The following RPE65 variants were observed in gnomAD, a reference collection of about 807,000 sequenced individuals.
RPE65 encodes the protein retinoid isomerohydrolase RPE65, also known as retinoid isomerohydrolase.
RPE65 carries 58 observed loss-of-function variants against 68.5 expected under a neutral mutation model. The observed-to-expected ratio is 0.85, with a 90% confidence interval of 0.69 to 1.05. The LOEUF (loss-of-function observed/expected upper bound fraction) is 1.05, where lower values mean the gene tolerates loss of function less well. RPE65 is among the 50% of genes least tolerant of loss of function. The pLI is 0.00. For missense variants in RPE65, 643 were observed against 629.9 expected (o/e 1.02, Z -0.22); for synonymous variants, 220 against 222.2 (o/e 0.99, Z 0.09).
chr1:68,437,405 A>G (rs1645869309), intron 10 of RPE65, among the ~76,000 whole-genome samples: 1 of 152,174 alleles, frequency 6.6e-6, no homozygotes, highest in Non-Finnish European at 1.5e-5. Flanking sequence ...CATAGAGCTT[A>G]CAAACTTGCT....
rs1019929124 is a variant in RPE65 at position 68,446,900 on chromosome 1, G to T, written c.95-40C>A. 3.1e-6 allele frequency: 5 copies of T among 1,612,194 alleles called. No homozygotes were observed. In the African/African-American group the frequency reaches 6.7e-5, roughly 22 times the overall value. ...AGACAGAACATTGCTTCTTATCCCTGCCTTGGGCTAGGCTTGTCCTTGGTA... is the reference window on the plus strand; with the variant it reads ...AGACAGAACATTGCTTCTTATCCCTTCCTTGGGCTAGGCTTGTCCTTGGTA... On this transcript the variant is annotated intron_variant, in intron 2 of 13. Transcript: ENST00000262340.
At position 68,431,346 on chromosome 1, in the gene RPE65, T is replaced by C. The variant is rs752528881; in HGVS notation, c.1274A>G (p.Lys425Arg). The change falls in exon 12 of 14, where the codon AAG becomes AGG. Residue 425 changes from lysine (K) to arginine (R), a missense_variant. Transcript: ENST00000262340. Reference sequence around the variant, plus strand: ...ATATGTGTAAGGTTTCCCACAATACTTCTGGTAATTGATTTGAGGAAACTC... The same window carrying C: ...ATATGTGTAAGGTTTCCCACAATACCTCTGGTAATTGATTTGAGGAAACTC... ...AFEFPQINYQ[K>R]YCGKPYTYAY... 4 of 1,614,006 alleles carry C rather than the reference T, an allele frequency of 2.5e-6. No homozygotes were observed. The highest frequency in any genetic ancestry group is 3.4e-6 in the Non-Finnish European group (4 of 1,179,942).
At chr1:68,433,215 G>A (rs182516882) in intron 10 of RPE65, among the ~76,000 whole-genome samples, 1 of 152,316 alleles carries the variant, frequency 6.6e-6, no homozygotes, top group African/African-American at 2.4e-5. Context: ...CAACGAGTGA[G>A]TGTATAAATG....
chr1:68,440,901 T>C lies in RPE65; in HGVS notation c.595A>G (p.Asn199Asp), dbSNP rs772821305. 3.7e-6 allele frequency: 6 copies of C among 1,613,880 alleles called. No individual in the cohort carries two copies. The highest frequency in any genetic ancestry group is 1.7e-5 in the Admixed American group (1 of 59,974). Residue 199 changes from asparagine to aspartate, a missense_variant, in exon 6 of 14, where the codon AAT becomes GAT. Asn to Asp is a conservative substitution (Grantham distance 23). Coordinates refer to ENST00000262340, the MANE Select transcript of RPE65 (RefSeq NM_000329.3). ...ACAATGTTGTAGGCAATTGAAAAAT[T>C]TTTTCCAAAGCAATTACCAATATTG... ...VYNIGNCFGKNFSIAYNIVKI... is the reference protein window; with the variant it reads ...VYNIGNCFGKDFSIAYNIVKI...
At chr1:68,445,169 G>C (rs1645933431) in intron 3 of RPE65, among the ~76,000 whole-genome samples, 1 of 152,062 alleles carries the variant, frequency 6.6e-6, no homozygotes, top group Non-Finnish European at 1.5e-5. Context: ...TAGAATCCTA[G>C]TTGGCCAGAG....
intron 10 of RPE65, among the ~76,000 whole-genome samples, chr1:68,432,339 A>G (rs183975567): frequency 7.5e-4 from 114 of 152,126 alleles, no homozygotes; most frequent in African/African-American, 2.6e-3. Context: ...ATATACCACA[A>G]ATGTGGGGGA....
intron 10 of RPE65, among the ~76,000 whole-genome samples, chr1:68,433,440 A>G (rs540093309): frequency 2.8e-4 from 43 of 152,306 alleles, no homozygotes; most frequent in African/African-American, 1.0e-3. Flanking sequence ...CTGGATAGGA[A>G]GATGGATAAT....
At chr1:68,436,700 T>C (rs1645865623) in intron 10 of RPE65, among the ~76,000 whole-genome samples, 1 of 152,046 alleles carries the variant, frequency 6.6e-6, no homozygotes, top group Admixed American at 6.6e-5. Flanking sequence ...ACTCCCAACC[T>C]CGGGTGATGC....
At chr1:68,438,423 AC>A in intron 9 of RPE65, 107 bp from the exon 10 acceptor site, 1 of 1,331,902 alleles carries the variant, frequency 7.5e-7, no homozygotes, top group Non-Finnish European at 1.0e-6. Flanking sequence ...TTATTCCACA[AC>A]CCAGAAACTG....
chr1:68,439,771 C>T (rs1340925754), intron 6 of RPE65, 129 bp from the exon 7 acceptor site: 2 of 745,582 alleles, frequency 2.7e-6, no homozygotes, highest in African/African-American at 3.6e-5. Context: ...TTTTCATTTT[C>T]TCCATCATTT....
At position 68,431,423 on chromosome 1, in the gene RPE65, A is replaced by G. The variant is rs1233992360; in HGVS notation, c.1244-47T>C. The G allele has an allele frequency of 1.9e-6, 3 of 1,612,594 alleles. No individual in the cohort carries two copies. The South Asian group carries it at 3.3e-5, about 18-fold the overall frequency. ...TAGGAAAACTCTTAATCTCTTTGAA[A>G]GAAACATTTGTTCACTCCCGTGTGA... On this transcript the variant is annotated intron_variant, in intron 11 of 13. Coordinates refer to ENST00000262340, the MANE Select transcript of RPE65 (RefSeq NM_000329.3).
At position 68,429,936 on chromosome 1, in the gene RPE65, CA is replaced by C; in HGVS notation, c.1451-10del. On this transcript the variant is annotated splice_polypyrimidine_tract_variant and intron_variant, in intron 13 of 13. Transcript: ENST00000262340. ...CACACTCAGAACTACACCTGTTTAT[CA>C]GAAGTAAATTAGGCAATATTGAGTT... is the stretch of plus-strand genomic sequence containing the variant. 1 of 1,613,534 alleles carries C rather than the reference CA, an allele frequency of 6.2e-7. No individual in the cohort carries two copies. Among genetic ancestry groups the C allele is most frequent in the East Asian group, 2.2e-5 (1 of 44,870 alleles).
At position 68,440,445 on chromosome 1, in the gene RPE65, A is replaced by G. The variant is rs143578550; in HGVS notation, c.643+408T>C. Among the ~76,000 whole-genome samples the G allele has an allele frequency of 8.6e-4, 131 of 152,304 alleles. 1 individual carries two copies. The East Asian group carries it at 0.024, about 28-fold the overall frequency. The stretch of plus-strand genomic sequence containing the variant: ...TTTGTAGTTTTGGGAATTAAGCGCA[A>G]CATATTTAGTACACTCTCATATATG... On this transcript the variant is annotated intron_variant, in intron 6 of 13. Transcript: ENST00000262340.
chr1:68,434,171 A>T (rs1312321254), intron 10 of RPE65, among the ~76,000 whole-genome samples: 1 of 151,644 alleles, frequency 6.6e-6, no homozygotes, highest in Non-Finnish European at 1.5e-5. Context: ...GATTAGATAA[A>T]ATGAGATGAA....
At chr1:68,435,565 C>T (rs1343465083) in intron 10 of RPE65, among the ~76,000 whole-genome samples, 1 of 152,034 alleles carries the variant, frequency 6.6e-6, no homozygotes, top group Non-Finnish European at 1.5e-5. Context: ...ACTTTTTATC[C>T]CATTTACTTT....
chr1:68,431,301 T>A lies in RPE65; in HGVS notation c.1319A>T (p.Asn440Ile). 1 of 1,614,010 alleles carries A rather than the reference T, an allele frequency of 6.2e-7. No homozygotes were observed. Among genetic ancestry groups the A allele is most frequent in the South Asian group, 1.1e-5 (1 of 91,078 alleles). ...PYTYAYGLGL[N>I]HFVPDRLCKL... is the part of the protein sequence containing the mutation. ...AATTACCCTATCTGGAACAAAGTGA[T>A]TCAAGCCAAGTCCATACGCATATGT... Residue 440 changes from asparagine (N) to isoleucine (I), a missense_variant, in exon 12 of 14, where the codon AAT becomes ATT. Physicochemically the swap from Asn to Ile is moderately radical, Grantham distance 149. Transcript: ENST00000262340.
intron 10 of RPE65, among the ~76,000 whole-genome samples, chr1:68,432,676 G>A (rs919318804): frequency 1.3e-5 from 2 of 152,166 alleles, no homozygotes; most frequent in African/African-American, 4.8e-5. Context: ...AGGTCATTAT[G>A]AGGACTTGAT....
At chr1:68,447,106 G>T (rs553821227) in intron 2 of RPE65, among the ~76,000 whole-genome samples, 1 of 152,268 alleles carries the variant, frequency 6.6e-6, no homozygotes, top group African/African-American at 2.4e-5. Flanking sequence ...TAAAGGGTTG[G>T]AAGGAGTGAG....
chr1:68,445,035 T>TG, intron 3 of RPE65, 152 bp from the exon 4 acceptor site: 1 of 733,074 alleles, frequency 1.4e-6, no homozygotes, highest in South Asian at 1.5e-5. Flanking sequence ...CTCACTTTCT[T>TG]GGGGTGACCA....
Sources: allele counts gnomAD v4.1 joint callset (sites outside exome capture counted in the v4.1 genomes callset), GRCh38; gene constraint gnomAD v4.1.1; transcripts MANE v1.5; gene names NCBI Gene and HGNC (gene_info 2026-07-23, HGNC 2026-07-21).